Variants in MSRA observed in about 807,000 individuals in gnomAD.
MSRA encodes the protein mitochondrial peptide methionine sulfoxide reductase.
Under a neutral mutation model 31.3 loss-of-function variants are expected in MSRA, and 54 were observed. That is an observed-to-expected ratio of 1.73 (90% CI 1.39 to 2.17). The LOEUF is 2.17. Ranked by LOEUF, MSRA falls within the 30% of genes most tolerant of loss-of-function variation. MSRA has a pLI of 0.00. For synonymous variants in MSRA, 169 were observed against 116.5 expected, an observed-to-expected ratio of 1.45 and a Z score of -2.90; for missense variants, 507 against 300.9, an observed-to-expected ratio of 1.69 and a Z score of -5.07.
chr8:10,069,248 A>G (rs918045321), intron 1 of MSRA, among the ~76,000 whole-genome samples: 1 of 151,956 alleles, frequency 6.6e-6, no homozygotes, highest in Non-Finnish European at 1.5e-5. Flanking sequence ...TACACCTTTT[A>G]TTTCTTTTTC....
intron 3 of MSRA, among the ~76,000 whole-genome samples, chr8:10,287,934 C>G (rs1290457590): frequency 1.3e-5 from 2 of 152,152 alleles, no homozygotes. Flanking sequence ...TTTCTCTGCC[C>G]TCCTAGACTG....
intron 5 of MSRA, among the ~76,000 whole-genome samples, chr8:10,332,974 G>A (rs1802793083): frequency 6.6e-6 from 1 of 152,228 alleles, no homozygotes; most frequent in Non-Finnish European, 1.5e-5. Flanking sequence ...GCCGGTATCA[G>A]TCTTTTATTC....
At chr8:10,088,730 C>T (rs1175627252) in intron 1 of MSRA, among the ~76,000 whole-genome samples, 1 of 151,130 alleles carries the variant, frequency 6.6e-6, no homozygotes, top group Admixed American at 6.6e-5. Flanking sequence ...AGTGAGACTT[C>T]ATCTCAGAAA....
chr8:10,135,601 A>T (rs1802215994), intron 1 of MSRA, among the ~76,000 whole-genome samples: 1 of 152,226 alleles, frequency 6.6e-6, no homozygotes, highest in Non-Finnish European at 1.5e-5. Context: ...ATGGTTCATG[A>T]TCCCAAGCAT....
chr8:10,141,216 T>A (rs1369356701), intron 1 of MSRA, among the ~76,000 whole-genome samples: 1 of 152,194 alleles, frequency 6.6e-6, no homozygotes, highest in African/African-American at 2.4e-5. Flanking sequence ...GCTTACCCTG[T>A]GCCAGGCCTG....
chr8:10,204,486 C>T (rs1177669143), intron 1 of MSRA, among the ~76,000 whole-genome samples: 3 of 152,136 alleles, frequency 2.0e-5, no homozygotes, highest in Non-Finnish European at 4.4e-5. Context: ...ATCTAGATCA[C>T]AAATACTTAT....
intron 5 of MSRA, among the ~76,000 whole-genome samples, chr8:10,388,528 C>G (rs898258333): frequency 6.6e-6 from 1 of 152,292 alleles, no homozygotes; most frequent in East Asian, 1.9e-4. Flanking sequence ...TGGTCTCCTG[C>G]GTGAGCTTCG....
intron 1 of MSRA, among the ~76,000 whole-genome samples, chr8:10,107,990 C>A (rs1457444696): frequency 1.3e-5 from 2 of 152,148 alleles, no homozygotes; most frequent in Non-Finnish European, 2.9e-5. Flanking sequence ...TGTCCCTTCC[C>A]ACCAATCACT....
chr8:10,353,499 G>A (rs920990615), intron 5 of MSRA: 1 of 408,370 alleles, frequency 2.4e-6, no homozygotes. Flanking sequence ...CCGGAGGCCC[G>A]TGTATCTGTG....
At chr8:10,194,332 C>T (rs151099712) in intron 1 of MSRA, among the ~76,000 whole-genome samples, 4,851 of 152,198 alleles carry the variant, frequency 0.032, 139 homozygotes, top group African/African-American at 0.074. Context: ...TTTGGGAAGC[C>T]GAGACAGGTG....
At chr8:10,419,786 G>C (rs770376469) in intron 5 of MSRA, among the ~76,000 whole-genome samples, 1 of 152,206 alleles carries the variant, frequency 6.6e-6, no homozygotes, top group East Asian at 1.9e-4. Flanking sequence ...CTTGCCATCA[G>C]GTGACCCAGG....
intron 1 of MSRA, among the ~76,000 whole-genome samples, chr8:10,178,768 T>A (rs1806284060): frequency 6.6e-6 from 1 of 152,150 alleles, no homozygotes; most frequent in South Asian, 2.1e-4. Flanking sequence ...TTGTCAAAGA[T>A]TGGAACTAGG....
intron 1 of MSRA, among the ~76,000 whole-genome samples, chr8:10,060,892 T>A (rs1226676812): frequency 6.6e-6 from 1 of 152,202 alleles, no homozygotes; most frequent in African/African-American, 2.4e-5. Context: ...TAGAAGGCAT[T>A]ATGTGTATTT....
At chr8:10,069,855 A>G (rs1006992396) in intron 1 of MSRA, among the ~76,000 whole-genome samples, 21 of 152,106 alleles carry the variant, frequency 1.4e-4, no homozygotes, top group African/African-American at 3.6e-4. Flanking sequence ...GAGAGTTAAT[A>G]TGTTCTTTTT....
intron 3 of MSRA, among the ~76,000 whole-genome samples, chr8:10,294,775 T>G (rs1379313797): frequency 6.6e-6 from 1 of 152,060 alleles, no homozygotes; most frequent in Non-Finnish European, 1.5e-5. Context: ...CTGGGCTGTT[T>G]TCTGAGGAAC....
chr8:10,319,623 C>T lies in MSRA; in HGVS notation c.437-260C>T, dbSNP rs566928318. 5.9e-5 allele frequency among the ~76,000 whole-genome samples: 9 copies of T among 151,338 alleles called. No individual in the cohort carries two copies. The South Asian group carries it at 1.9e-3, about 32-fold the overall frequency. ...GTAAAAGTATGTATTCATAGAACAT[C>T]TAGTATGATCCAAGACCTGTGATAA... On this transcript the variant is annotated intron_variant, in intron 4 of 5. Transcript: ENST00000317173.
chr8:10,334,943 A>G (rs1360887739), intron 5 of MSRA, among the ~76,000 whole-genome samples: 2 of 152,190 alleles, frequency 1.3e-5, no homozygotes, highest in East Asian at 1.9e-4. Context: ...TCCCGTTGCT[A>G]TGGCAGCCGG....
chr8:10,155,462 C>G (rs540716317), intron 1 of MSRA, among the ~76,000 whole-genome samples: 2 of 152,178 alleles, frequency 1.3e-5, no homozygotes, highest in Non-Finnish European at 2.9e-5. Context: ...CACACATTCT[C>G]TCTCTCTCAC....
At chr8:10,122,418 T>C (rs140426774) in intron 1 of MSRA, among the ~76,000 whole-genome samples, 2,335 of 152,266 alleles carry the variant, frequency 0.015, 23 homozygotes, top group Non-Finnish European at 0.022. Flanking sequence ...TTCTGGATTG[T>C]TTTTTAAAAA....
Sources: allele counts gnomAD v4.1 joint callset (sites outside exome capture counted in the v4.1 genomes callset), GRCh38; gene constraint gnomAD v4.1.1; transcripts MANE v1.5; gene names NCBI Gene and HGNC (gene_info 2026-07-23, HGNC 2026-07-21).